The following THADA variants were observed in gnomAD, a reference collection of about 807,000 sequenced individuals.
THADA encodes the protein THADA armadillo repeat containing.
THADA carries 213 observed loss-of-function variants against 219.8 expected under a neutral mutation model. That is an observed-to-expected ratio of 0.97 (90% CI 0.87 to 1.09). THADA has a LOEUF of 1.09. Ranked by LOEUF, THADA falls within the 50% of genes least tolerant of loss-of-function variation. THADA has a pLI of 0.00. For missense variants in THADA, 2,956 were observed against 2,311.3 expected, an observed-to-expected ratio of 1.28 and a Z score of -5.72; for synonymous variants, 1,018 against 828.9, an observed-to-expected ratio of 1.23 and a Z score of -3.92.
At chr2:43,242,220 G>C (rs1668694375) in intron 36 of THADA, among the ~76,000 whole-genome samples, 1 of 152,158 alleles carries the variant, frequency 6.6e-6, no homozygotes, top group Non-Finnish European at 1.5e-5. Context: ...ACCAACACTG[G>C]GTACTGCCCA....
intron 21 of THADA, among the ~76,000 whole-genome samples, chr2:43,535,690 A>G (rs1558928456): frequency 1.3e-5 from 2 of 151,442 alleles, no homozygotes; most frequent in African/African-American, 4.8e-5. Context: ...AAAAAAAAAA[A>G]AAAAAAAAAA....
intron 29 of THADA, among the ~76,000 whole-genome samples, chr2:43,389,896 G>A (rs1031926855): frequency 4.6e-5 from 7 of 152,142 alleles, no homozygotes; most frequent in African/African-American, 1.2e-4. Context: ...GTATTTCTGT[G>A]TAATTGTCTG....
intron 29 of THADA, chr2:43,372,331 G>C (rs1573327426): frequency 6.6e-6 from 1 of 152,258 alleles, no homozygotes; most frequent in East Asian, 1.9e-4. Context: ...ACATTCAGAG[G>C]ACACATTAAT....
intron 28 of THADA, among the ~76,000 whole-genome samples, chr2:43,412,152 G>C (rs191342353): frequency 1.8e-4 from 28 of 152,170 alleles, no homozygotes; most frequent in Admixed American, 2.6e-4. Context: ...ATAAAAAGAA[G>C]AAAATTAAGT....
intron 24 of THADA, among the ~76,000 whole-genome samples, chr2:43,502,584 CAAAA>C (rs1172070049): frequency 7.0e-4 from 52 of 74,206 alleles, no homozygotes; most frequent in African/African-American, 2.0e-3. Context: ...GACCTCGTCT[CAAAA>C]AAAAAAAAAA....
intron 26 of THADA, among the ~76,000 whole-genome samples, chr2:43,464,837 A>G (rs1573781975): frequency 6.6e-6 from 1 of 152,088 alleles, no homozygotes; most frequent in African/African-American, 2.4e-5. Flanking sequence ...TCAAACTAGA[A>G]TATTTGTTTT....
chr2:43,249,221 G>A (rs946143305), intron 36 of THADA, among the ~76,000 whole-genome samples: 1 of 151,976 alleles, frequency 6.6e-6, no homozygotes, highest in African/African-American at 2.4e-5. Flanking sequence ...CTGAGTAACT[G>A]GAACTACAGA....
intron 20 of THADA, among the ~76,000 whole-genome samples, chr2:43,548,674 G>C (rs1026377133): frequency 6.6e-6 from 1 of 152,234 alleles, no homozygotes; most frequent in African/African-American, 2.4e-5. Flanking sequence ...CTCTGAGCCA[G>C]GTGCGGGATA....
At chr2:43,302,355 G>A (rs1676361842) in intron 31 of THADA, among the ~76,000 whole-genome samples, 1 of 151,768 alleles carries the variant, frequency 6.6e-6, no homozygotes, top group South Asian at 2.1e-4. Context: ...CTCCTTGTTT[G>A]GAAAGTCTTT....
intron 29 of THADA, among the ~76,000 whole-genome samples, chr2:43,394,171 T>C (rs751196770): frequency 3.9e-5 from 6 of 152,258 alleles, no homozygotes; most frequent in Non-Finnish European, 7.3e-5. Flanking sequence ...ATCTGCCGCA[T>C]AACCTCACCT....
At chr2:43,236,361 G>A (rs192141850) in intron 36 of THADA, among the ~76,000 whole-genome samples, 2 of 152,242 alleles carry the variant, frequency 1.3e-5, no homozygotes, top group Admixed American at 6.5e-5. Context: ...TGCCAAATTC[G>A]GTCTCTTACT....
chr2:43,572,764 A>G (rs748662275), intron 12 of THADA, 50 bp downstream of exon 12: 1 of 1,559,066 alleles, frequency 6.4e-7, no homozygotes, highest in East Asian at 2.2e-5. Flanking sequence ...GAACTGCTAC[A>G]TGAAAGGGAT....
chr2:43,426,565 C>T (rs142180738), intron 28 of THADA, among the ~76,000 whole-genome samples: 14 of 152,290 alleles, frequency 9.2e-5, no homozygotes, highest in African/African-American at 3.4e-4. Context: ...AGACTGGTAA[C>T]TTTGTATATC....
chr2:43,566,568 G>C (rs761452225), intron 15 of THADA, 130 bp downstream of exon 15: 2 of 1,004,520 alleles, frequency 2.0e-6, no homozygotes, highest in Non-Finnish European at 3.1e-6. Flanking sequence ...GTACAAGCAA[G>C]AATTATAAGG....
chr2:43,523,019 A>T (rs1692687315), intron 22 of THADA, among the ~76,000 whole-genome samples: 1 of 152,162 alleles, frequency 6.6e-6, no homozygotes, highest in African/African-American at 2.4e-5. Context: ...AATTAATAGG[A>T]CACTCAGTGA....
At position 43,586,451 on chromosome 2, in the gene THADA, T is replaced by G; in HGVS notation, c.485-2A>C. On this transcript the variant is annotated splice_acceptor_variant, in intron 6 of 37. Coordinates refer to ENST00000405975, the MANE Select transcript of THADA (RefSeq NM_022065.5). LOFTEE classifies it high-confidence loss of function. ...AACTCTTCTGCAGAAAATGAAGCAC[T>G]GAAACAAAAAGAATATGACAAATAA... The G allele has an allele frequency of 6.4e-7, 1 of 1,570,270 alleles. No homozygotes were observed. The highest frequency in any genetic ancestry group is 8.6e-7 in the Non-Finnish European group (1 of 1,159,042).
chr2:43,470,287 C>T (rs190564951), intron 26 of THADA, among the ~76,000 whole-genome samples: 1 of 150,850 alleles, frequency 6.6e-6, no homozygotes, highest in Non-Finnish European at 1.5e-5. Context: ...CCAGTTATAA[C>T]CTTTGACACA....
intron 1 of THADA, among the ~76,000 whole-genome samples, chr2:43,595,464 T>C (rs564335622): frequency 6.6e-6 from 1 of 152,346 alleles, no homozygotes; most frequent in South Asian, 2.1e-4. Context: ...TAAGCAAGTT[T>C]GCAGGAGGAT....
chr2:43,273,123 T>C (rs68173231), intron 36 of THADA, among the ~76,000 whole-genome samples: 24,696 of 151,742 alleles, frequency 0.16, 2,431 homozygotes, highest in African/African-American at 0.28. Context: ...GTGGTGTGTG[T>C]CTGTAATCCC....
Sources: gnomAD v4.1 joint callset for allele counts (sites outside exome capture counted in the v4.1 genomes callset) on GRCh38, gnomAD v4.1.1 for gene constraint, MANE v1.5 for transcripts, NCBI Gene and HGNC (gene_info 2026-07-23, HGNC 2026-07-21) for gene names.